Variants in FRMPD2 observed in about 807,000 individuals in gnomAD.
FRMPD2 encodes the protein FERM and PDZ domain-containing protein 2.
FRMPD2 carries 96 observed loss-of-function variants against 140.1 expected under a neutral mutation model. The ratio of observed to expected loss-of-function variants is 0.69; its 90% CI spans 0.58 to 0.81. The LOEUF (loss-of-function observed/expected upper bound fraction) is 0.81, where lower values mean the gene tolerates loss of function less well. Among genes scored for constraint, FRMPD2 ranks in the 40% least tolerant of loss-of-function variants. FRMPD2 has a pLI of 0.00. For missense variants in FRMPD2, 1,240 were observed against 1,447.4 expected, an observed-to-expected ratio of 0.86 and a Z score of 2.32; for synonymous variants, 449 against 547.6, an observed-to-expected ratio of 0.82 and a Z score of 2.52.
upstream of FRMPD2, chr10:48,274,798 G>C (rs1840826091): frequency 1.5e-5 from 8 of 522,230 alleles, no homozygotes; most frequent in Non-Finnish European, 3.4e-6. Flanking sequence ...TCTCTGGCCT[G>C]TTAGCAGGCA....
At chr10:48,265,466 A>G (rs1471181964) in intron 1 of FRMPD2, among the ~76,000 whole-genome samples, 1 of 152,222 alleles carries the variant, frequency 6.6e-6, no homozygotes, top group East Asian at 1.9e-4. Flanking sequence ...TAAAATATGC[A>G]TCTGGCAAAG....
intron 1 of FRMPD2, among the ~76,000 whole-genome samples, chr10:48,263,915 A>T (rs923675152): frequency 6.6e-5 from 10 of 152,176 alleles, no homozygotes; most frequent in Admixed American, 1.3e-4. Context: ...AGCAAATCAA[A>T]TCCAACAATG....
intron 1 of FRMPD2, among the ~76,000 whole-genome samples, chr10:48,268,292 T>C (rs1840711977): frequency 6.6e-6 from 1 of 152,192 alleles, no homozygotes; most frequent in South Asian, 2.1e-4. Flanking sequence ...GGAATGTAAG[T>C]GGTACAGCCA....
Position 48,216,719 on chromosome 10 carries a change from G to A in FRMPD2, c.1456-4610C>T. Among the ~76,000 whole-genome samples the A allele has an allele frequency of 1.3e-5, 2 of 152,200 alleles. 1 individual carries two copies. The highest frequency in any genetic ancestry group is 2.9e-5 in the Non-Finnish European group (2 of 68,038). ...TCACCCTTACAGCAGTTTTGCAAGA[G>A]ATTGATGATTATTTTCCATTTTGCA... On this transcript the variant is annotated intron_variant, in intron 12 of 28. Transcript: ENST00000374201.
chr10:48,217,594 A>C (rs1020284998), intron 12 of FRMPD2, among the ~76,000 whole-genome samples: 16 of 152,226 alleles, frequency 1.1e-4, no homozygotes, highest in Non-Finnish European at 2.9e-5. Flanking sequence ...ATCAATGTGC[A>C]TTGCATATAG....
In FRMPD2 at chr10:48,222,565, A is replaced by G. The variant is rs12252237; in HGVS notation, c.1317-114T>C. 26,291 of 1,091,048 alleles carry G rather than the reference A, an allele frequency of 0.024. 2,804 individuals carry two copies. The African/African-American group carries it at 0.28, about 12-fold the overall frequency. The allele number at this position is 1,091,048 out of a possible 1,614,324, so 67.6% of individuals were successfully genotyped here. ...GGAAAAGTAGGGAAGACGAGATGCA[A>G]CTCAATAGAATTCAGAGGCAATGCC... On this transcript the variant is annotated intron_variant, in intron 11 of 28. Transcript: ENST00000374201.
chr10:48,262,251 A>G (rs1840604357), intron 1 of FRMPD2, among the ~76,000 whole-genome samples: 1 of 152,190 alleles, frequency 6.6e-6, no homozygotes, highest in Non-Finnish European at 1.5e-5. Context: ...GTTAAAAGTA[A>G]AGGGAAGAAT....
chr10:48,173,680 T>A (rs1366222766), intron 24 of FRMPD2, among the ~76,000 whole-genome samples: 1 of 152,148 alleles, frequency 6.6e-6, no homozygotes, highest in Non-Finnish European at 1.5e-5. Context: ...AAGTCTCCAA[T>A]GCTTCCCATC....
intron 2 of FRMPD2, among the ~76,000 whole-genome samples, chr10:48,250,836 G>A (rs2131967077): frequency 8.1e-6 from 1 of 123,918 alleles, no homozygotes; most frequent in South Asian, 2.7e-4. Context: ...TTGCTCTGTT[G>A]CCCAGGCTGG....
At chr10:48,243,521 T>G (rs1288724929) in intron 4 of FRMPD2, among the ~76,000 whole-genome samples, 1 of 152,134 alleles carries the variant, frequency 6.6e-6, no homozygotes, top group Non-Finnish European at 1.5e-5. Context: ...TTAAACTAAG[T>G]GCAGGACCCT....
chr10:48,258,624 T>G (rs1840527706), intron 1 of FRMPD2, among the ~76,000 whole-genome samples: 1 of 152,200 alleles, frequency 6.6e-6, no homozygotes, highest in Non-Finnish European at 1.5e-5. Flanking sequence ...CATCTTGCAT[T>G]CGTAGATGAG....
In FRMPD2 at chr10:48,251,092, C is replaced by T. The variant is rs149856922; in HGVS notation, c.151+474G>A. On this transcript the variant is annotated intron_variant, in intron 2 of 28. Coordinates refer to ENST00000374201, the MANE Select transcript of FRMPD2 (RefSeq NM_001018071.4). ...TGCTGGGATTACAGGTGTGAGCCACCGTGCCCAGCCAGGTCTGCCTTCTGA... is the reference window on the plus strand; with the variant it reads ...TGCTGGGATTACAGGTGTGAGCCACTGTGCCCAGCCAGGTCTGCCTTCTGA... 2.6e-5 allele frequency among the ~76,000 whole-genome samples: 4 copies of T among 152,238 alleles called. No individual in the cohort carries two copies. The East Asian group carries it at 5.8e-4, about 22-fold the overall frequency.
intron 15 of FRMPD2, among the ~76,000 whole-genome samples, chr10:48,197,395 A>G (rs531449849): frequency 1.3e-5 from 2 of 152,268 alleles, no homozygotes; most frequent in South Asian, 4.2e-4. Context: ...TGTGTGCTCC[A>G]ATGAGGACAC....
At chr10:48,174,840 G>A in intron 24 of FRMPD2, 30 bp downstream of exon 24, 13 of 628,742 alleles carry the variant, frequency 2.1e-5, no homozygotes, top group Non-Finnish European at 1.1e-5. Flanking sequence ...TCCGGAAGGA[G>A]GGGAAGCTGG....
At chr10:48,272,735 G>A (rs1262833382) in intron 1 of FRMPD2, among the ~76,000 whole-genome samples, 4 of 152,172 alleles carry the variant, frequency 2.6e-5, no homozygotes, top group Admixed American at 6.5e-5. Context: ...AAAGTGTGTC[G>A]CGTCCATAGT....
intron 10 of FRMPD2, among the ~76,000 whole-genome samples, chr10:48,227,334 A>C (rs1195296255): frequency 6.6e-6 from 1 of 152,104 alleles, no homozygotes; most frequent in Non-Finnish European, 1.5e-5. Context: ...CTCTGTAGCC[A>C]GTGAGGATAT....
At chr10:48,267,018 C>G (rs1279557300) in intron 1 of FRMPD2, among the ~76,000 whole-genome samples, 1 of 152,034 alleles carries the variant, frequency 6.6e-6, no homozygotes, top group Non-Finnish European at 1.5e-5. Context: ...AGTGGGGGGT[C>G]TAGACTTCCA....
chr10:48,248,127 CA>C (rs1260866755), intron 3 of FRMPD2, among the ~76,000 whole-genome samples: 1 of 152,164 alleles, frequency 6.6e-6, no homozygotes, highest in Non-Finnish European at 1.5e-5. Context: ...AGGGTAGCAG[CA>C]TTTTCACATC....
chr10:48,238,064 G>T lies in FRMPD2; in HGVS notation c.848C>A (p.Ser283Tyr), dbSNP rs1226210347. The change falls in exon 8 of 29, where the codon TCT becomes TAT. Residue 283 changes from serine to tyrosine, a missense_variant. Ser to Tyr is a moderately radical substitution (Grantham distance 144). Around this residue, in one of 6 missense-constraint regions of FRMPD2, gnomAD observed 1,161 missense variants for 1,055.9 expected, o/e 1.10. Transcript: ENST00000374201. ...QQAGRRLSSG[S>Y]VHSAADSSWP... Reference sequence around the variant, plus strand: ...TGAGCTGTCTGCTGCCGAGTGCACAGATCCAGAGCTGAGCCTCCGGCCCGC... The same window carrying T: ...TGAGCTGTCTGCTGCCGAGTGCACATATCCAGAGCTGAGCCTCCGGCCCGC... 3.7e-6 allele frequency: 6 copies of T among 1,613,910 alleles called. No individual in the cohort carries two copies. Among genetic ancestry groups the T allele is most frequent in the African/African-American group, 1.3e-5 (1 of 74,942 alleles).
Sources: gnomAD v4.1 joint callset for allele counts (sites outside exome capture counted in the v4.1 genomes callset) on GRCh38, gnomAD v4.1.1 for gene constraint, gnomAD v4.1.1 regional missense constraint, MANE v1.5 for transcripts, NCBI Gene and HGNC (gene_info 2026-07-23, HGNC 2026-07-21) for gene names.